The following NKAIN2 variants were observed in gnomAD, a reference collection of about 807,000 sequenced individuals.
NKAIN2 encodes sodium/potassium transporting ATPase interacting 2, also known as sodium/potassium-transporting ATPase subunit beta-1-interacting protein 2.
Under a neutral mutation model 32.6 loss-of-function variants are expected in NKAIN2, and 14 were observed. The observed-to-expected ratio is 0.43, with a 90% CI of 0.28 to 0.67. The LOEUF is 0.67. Ranked by LOEUF, NKAIN2 falls within the 30% of genes least tolerant of loss-of-function variation. The pLI, the probability that NKAIN2 is intolerant of heterozygous loss-of-function variation, is 0.17. For missense variants in NKAIN2, 198 were observed against 258.3 expected (o/e 0.77, Z 1.60); for synonymous variants, 80 against 87.2 (o/e 0.92, Z 0.46).
intron 1 of NKAIN2, among the ~76,000 whole-genome samples, chr6:124,164,098 CTAAA>C (rs1274966847): frequency 3.9e-5 from 6 of 152,072 alleles, no homozygotes; most frequent in African/African-American, 1.2e-4. Context: ...GTCTTATAAA[CTAAA>C]TAAGTTTTGT....
chr6:123,831,569 A>T (rs1375780777), intron 1 of NKAIN2, among the ~76,000 whole-genome samples: 2 of 151,838 alleles, frequency 1.3e-5, no homozygotes, highest in South Asian at 4.2e-4. Context: ...CAAAATAAAG[A>T]GACAGGTAAG....
intron 2 of NKAIN2, among the ~76,000 whole-genome samples, chr6:124,288,829 A>G (rs1795676898): frequency 6.6e-6 from 1 of 152,196 alleles, no homozygotes; most frequent in Admixed American, 6.5e-5. Context: ...TTGGAAATAC[A>G]AAAGACCTAG....
chr6:124,312,988 G>A (rs1222195114), intron 2 of NKAIN2, among the ~76,000 whole-genome samples: 2 of 152,074 alleles, frequency 1.3e-5, no homozygotes, highest in Non-Finnish European at 2.9e-5. Flanking sequence ...TCTGCTTTCT[G>A]AGGCCTAAAG....
chr6:124,693,974 A>T (rs928869354), intron 4 of NKAIN2, among the ~76,000 whole-genome samples: 1 of 152,200 alleles, frequency 6.6e-6, no homozygotes, highest in Non-Finnish European at 1.5e-5. Flanking sequence ...GTCCATTTTT[A>T]AAATAATTTG....
chr6:124,585,689 C>T (rs572643616), intron 3 of NKAIN2, among the ~76,000 whole-genome samples: 68 of 151,820 alleles, frequency 4.5e-4, no homozygotes, highest in South Asian at 2.9e-3. Flanking sequence ...AAAAGATGTC[C>T]AAAATTATTA....
chr6:124,788,919 T>C (rs1383987046), intron 4 of NKAIN2, among the ~76,000 whole-genome samples: 3 of 152,132 alleles, frequency 2.0e-5, no homozygotes, highest in Non-Finnish European at 4.4e-5. Flanking sequence ...TTTATGAATC[T>C]TGGTTAATTT....
chr6:124,227,515 C>G lies in NKAIN2; in HGVS notation c.55-55490C>G, dbSNP rs1422521523. Among the ~76,000 whole-genome samples, 3 of 152,116 alleles carry G rather than the reference C, an allele frequency of 2.0e-5. No homozygotes were observed. In the East Asian group the frequency reaches 5.8e-4, roughly 29 times the overall value. On this transcript the variant is annotated intron_variant, in intron 1 of 6. Coordinates refer to ENST00000368417, the MANE Select transcript of NKAIN2 (RefSeq NM_001040214.3). ...AGAACATGCAGAATATTTGCAGATT[C>G]AAACACTCTTAAATTAAAGGAGTGG...
intron 3 of NKAIN2, among the ~76,000 whole-genome samples, chr6:124,360,558 A>T (rs971746769): frequency 1.2e-4 from 19 of 152,278 alleles, no homozygotes; most frequent in Non-Finnish European, 2.2e-4. Context: ...TATTATTAAA[A>T]TTTCCATTAA....
chr6:124,807,478 G>A (rs377740800), intron 5 of NKAIN2, among the ~76,000 whole-genome samples: 122 of 149,796 alleles, frequency 8.1e-4, no homozygotes, highest in African/African-American at 2.3e-3. Flanking sequence ...TCTCTGGGAC[G>A]CATTCAAAGC....
intron 1 of NKAIN2, among the ~76,000 whole-genome samples, chr6:124,027,225 C>T (rs570450806): frequency 3.3e-5 from 5 of 151,754 alleles, no homozygotes; most frequent in Non-Finnish European, 5.9e-5. Flanking sequence ...CTGCAACCTC[C>T]GCCTCCCGGG....
At chr6:124,000,854 G>T (rs1362755297) in intron 1 of NKAIN2, among the ~76,000 whole-genome samples, 4 of 151,926 alleles carry the variant, frequency 2.6e-5, no homozygotes, top group Non-Finnish European at 5.9e-5. Flanking sequence ...TGCCATTATT[G>T]TAAGTGTCAT....
At chr6:124,607,054 G>A (rs80266363) in intron 3 of NKAIN2, among the ~76,000 whole-genome samples, 3,540 of 152,216 alleles carry the variant, frequency 0.023, 135 homozygotes, top group African/African-American at 0.081. Context: ...GTTGGACATG[G>A]AGTTGTTGCT....
At chr6:124,051,044 A>C (rs540597199) in intron 1 of NKAIN2, among the ~76,000 whole-genome samples, 1 of 152,244 alleles carries the variant, frequency 6.6e-6, no homozygotes, top group East Asian at 1.9e-4. Context: ...ATAGCATATA[A>C]CAGTTGTGAA....
chr6:124,439,811 A>G (rs559100265), intron 3 of NKAIN2, among the ~76,000 whole-genome samples: 2 of 152,030 alleles, frequency 1.3e-5, no homozygotes, highest in Non-Finnish European at 2.9e-5. Flanking sequence ...ATACATGATG[A>G]GAAAATATGA....
chr6:124,747,442 C>G (rs1414625364), intron 4 of NKAIN2, among the ~76,000 whole-genome samples: 1 of 151,852 alleles, frequency 6.6e-6, no homozygotes, highest in South Asian at 2.1e-4. Flanking sequence ...ATTAACTTAA[C>G]TGATGTGAAA....
chr6:124,624,692 C>CTTAA (rs1583539586), intron 3 of NKAIN2, among the ~76,000 whole-genome samples: 1 of 152,168 alleles, frequency 6.6e-6, no homozygotes, highest in African/African-American at 2.4e-5. Flanking sequence ...GGATAAGACT[C>CTTAA]TTAATTCTGG....
chr6:124,712,708 C>A (rs1034392221), intron 4 of NKAIN2, among the ~76,000 whole-genome samples: 1 of 151,836 alleles, frequency 6.6e-6, no homozygotes, highest in South Asian at 2.1e-4. Context: ...CTGACCGGCA[C>A]TCCCTAGTGA....
At chr6:124,673,471 A>T (rs528598047) in intron 4 of NKAIN2, among the ~76,000 whole-genome samples, 1 of 152,024 alleles carries the variant, frequency 6.6e-6, no homozygotes, top group Non-Finnish European at 1.5e-5. Flanking sequence ...ATACTGTTAC[A>T]CCATTTTACA....
chr6:124,773,137 T>A (rs1178659236), intron 4 of NKAIN2, among the ~76,000 whole-genome samples: 2 of 152,216 alleles, frequency 1.3e-5, no homozygotes, highest in African/African-American at 2.4e-5. Context: ...GAATACTTTC[T>A]GTGGACTTAG....
Sources: allele counts gnomAD v4.1 joint callset (sites outside exome capture counted in the v4.1 genomes callset), GRCh38; gene constraint gnomAD v4.1.1; transcripts MANE v1.5; gene names NCBI Gene and HGNC (gene_info 2026-07-23, HGNC 2026-07-21).